The following ITGA9 variants were observed in gnomAD, a reference collection of about 807,000 sequenced individuals.
ITGA9 encodes the protein integrin alpha-9.
A neutral mutation model predicts 127.8 loss-of-function variants in ITGA9; 56 were observed. That is an observed-to-expected ratio of 0.44 (90% CI 0.35 to 0.55). ITGA9 has a LOEUF of 0.55. Ranked by LOEUF, ITGA9 falls within the 20% of genes least tolerant of loss-of-function variation. ITGA9 has a pLI of 0.00. For synonymous variants in ITGA9, 508 were observed against 514.5 expected (o/e 0.99, Z 0.17); for missense variants, 1,196 against 1,347.1 (o/e 0.89, Z 1.76).
rs1411094818 is a variant in ITGA9 at position 37,533,363 on chromosome 3, A to G, written c.1423A>G (p.Ile475Val). 6.2e-7 allele frequency: 1 copy of G among 1,614,076 alleles called. No individual in the cohort carries two copies. Among genetic ancestry groups the G allele is most frequent in the Non-Finnish European group, 8.5e-7 (1 of 1,180,040 alleles). ...VDVSIFLPGS[I>V]NITAPQCHDG... ...TGTCTCCATCTTCCTCCCGGGCTCC[A>G]TCAACATCACAGCGCCTCAGTGTCA... The change falls in exon 14 of 28, where the codon ATC (isoleucine) becomes GTC (valine). Residue 475 changes from isoleucine (I) to valine (V), a missense_variant. Transcript: ENST00000264741.
At chr3:37,473,850 C>A (rs12019224) in intron 3 of ITGA9, among the ~76,000 whole-genome samples, 2 of 151,892 alleles carry the variant, frequency 1.3e-5, no homozygotes, top group Non-Finnish European at 2.9e-5. Context: ...ATATTTCCAT[C>A]GTCCCAAAAG....
rs552919724 is a variant in ITGA9 at position 37,558,009 on chromosome 3, T to A, written c.1689+15424T>A. 6.6e-5 allele frequency among the ~76,000 whole-genome samples: 10 copies of A among 152,318 alleles called. No individual in the cohort carries two copies. The South Asian group carries it at 2.1e-3, about 32-fold the overall frequency. On this transcript the variant is annotated intron_variant, in intron 15 of 27. Coordinates refer to ENST00000264741, the MANE Select transcript of ITGA9 (RefSeq NM_002207.3). ...CTAGTTAGTCTGAGAAAGAGAAAACTCCATTCTGGATGGCCCATTTCTGGG... is the reference window on the plus strand; with the variant it reads ...CTAGTTAGTCTGAGAAAGAGAAAACACCATTCTGGATGGCCCATTTCTGGG...
chr3:37,542,215 G>A (rs1043843804), intron 14 of ITGA9, among the ~76,000 whole-genome samples: 1 of 152,134 alleles, frequency 6.6e-6, no homozygotes, highest in African/African-American at 2.4e-5. Flanking sequence ...CATTAGAAAG[G>A]CAGAGGACAT....
chr3:37,640,762 C>T (rs1700324640), intron 16 of ITGA9, among the ~76,000 whole-genome samples: 2 of 152,356 alleles, frequency 1.3e-5, no homozygotes, highest in East Asian at 1.9e-4. Context: ...ACAGGCTGTG[C>T]AGTGAGATCA....
intron 1 of ITGA9, among the ~76,000 whole-genome samples, chr3:37,461,827 G>C (rs1257856785): frequency 2.0e-5 from 3 of 152,314 alleles, no homozygotes; most frequent in African/African-American, 4.8e-5. Context: ...TTGCCTGCCT[G>C]TTTCTTCTCT....
intron 18 of ITGA9, among the ~76,000 whole-genome samples, chr3:37,696,992 G>A (rs1575197124): frequency 6.6e-6 from 1 of 152,148 alleles, no homozygotes; most frequent in South Asian, 2.1e-4. Flanking sequence ...AAACCAGGGC[G>A]AGATATCCAG....
chr3:37,512,124 CTTTTCTTTTCTTTTCTTTTCTTTTCT>C (rs1698930350), intron 8 of ITGA9, among the ~76,000 whole-genome samples: 4 of 15,328 alleles, frequency 2.6e-4, no homozygotes, highest in Admixed American at 9.6e-4. Flanking sequence ...TTCCTTCTTT[CTTTTCTTTTCTTTTCTTTTCTTTTCT>C]TTTCTTTTCT....
rs1698200633 is a variant in ITGA9, at chr3:37,452,354, G to GA, written c.-19dup. On this transcript the variant is annotated 5_prime_UTR_variant, in exon 1 of 28. Transcript: ENST00000264741. The surrounding 1 kb of genome is among the most constrained non-coding windows in gnomAD (Gnocchi z 7.3). ...GGCGCCCTGCTCGCCGGGCAGAGGG[G>GA]AAGGCGGCGGCCGGCTGGGGATGGG... The GA allele has an allele frequency of 5.2e-6, 6 of 1,151,708 alleles. No individual in the cohort carries two copies. The highest frequency in any genetic ancestry group is 6.4e-6 in the Non-Finnish European group (6 of 939,400). The allele number at this position is 1,151,708 out of a possible 1,614,324, so 71.3% of individuals were successfully genotyped here.
At chr3:37,781,977 T>C (rs1375105504) in intron 25 of ITGA9, among the ~76,000 whole-genome samples, 1 of 152,196 alleles carries the variant, frequency 6.6e-6, no homozygotes, top group African/African-American at 2.4e-5. Context: ...ACTGCAGTGC[T>C]TTCTTCTCCC....
chr3:37,552,718 A>G (rs1226482288), intron 15 of ITGA9, among the ~76,000 whole-genome samples: 2 of 152,206 alleles, frequency 1.3e-5, no homozygotes, highest in Non-Finnish European at 2.9e-5. Flanking sequence ...TTTCGCATAA[A>G]ACATTTTTAT....
At chr3:37,525,200 AAAGTT>A (rs1449878969) in intron 12 of ITGA9, among the ~76,000 whole-genome samples, 1 of 152,220 alleles carries the variant, frequency 6.6e-6, no homozygotes, top group African/African-American at 2.4e-5. Flanking sequence ...TTCCTAAATT[AAAGTT>A]ATTTAGGAAT....
chr3:37,511,649 C>T (rs974872537), intron 8 of ITGA9, among the ~76,000 whole-genome samples: 1 of 152,190 alleles, frequency 6.6e-6, no homozygotes, highest in Non-Finnish European at 1.5e-5. Context: ...ACTGGCAACT[C>T]GGTTTCTTTC....
chr3:37,526,228 C>G (rs761147744), intron 13 of ITGA9, among the ~76,000 whole-genome samples, 157 bp downstream of exon 13: 1 of 152,116 alleles, frequency 6.6e-6, no homozygotes, highest in Admixed American at 6.5e-5. Flanking sequence ...TAATTATTCT[C>G]TATCCCAGAG....
Position 37,461,965 on chromosome 3 carries a change from A to T in ITGA9, c.186-9042A>T, listed in dbSNP as rs1698320262. ...TTCCAGGATGGGATACTTTTTTAAA[A>T]AGTAAATGTAAATGTATTGCCATAT... On this transcript the variant is annotated intron_variant, in intron 1 of 27. Coordinates refer to ENST00000264741, the MANE Select transcript of ITGA9 (RefSeq NM_002207.3). Among the ~76,000 whole-genome samples the T allele has an allele frequency of 3.3e-5, 5 of 151,804 alleles. No individual in the cohort carries two copies. The South Asian group carries it at 1.0e-3, about 32-fold the overall frequency.
intron 18 of ITGA9, among the ~76,000 whole-genome samples, chr3:37,684,621 G>A (rs1019784227): frequency 1.3e-5 from 2 of 152,098 alleles, no homozygotes; most frequent in African/African-American, 4.8e-5. Context: ...GACTACAGGT[G>A]TGCACCTGGC....
intron 18 of ITGA9, among the ~76,000 whole-genome samples, chr3:37,708,696 C>A (rs1456043956): frequency 6.6e-6 from 1 of 151,618 alleles, no homozygotes; most frequent in African/African-American, 2.4e-5. Context: ...AATTATCCAG[C>A]CCCAATGCCA....
intron 4 of ITGA9, among the ~76,000 whole-genome samples, chr3:37,493,444 C>T (rs1254616352): frequency 6.6e-6 from 1 of 152,208 alleles, no homozygotes; most frequent in African/African-American, 2.4e-5. Context: ...GGAAGGTCTC[C>T]AGCAATGTCA....
In ITGA9 at chr3:37,701,166, G is replaced by A. The variant is rs74327141; in HGVS notation, c.2067+17151G>A. On this transcript the variant is annotated intron_variant, in intron 18 of 27. Transcript: ENST00000264741. Reference sequence around the variant, plus strand: ...CCAGAGCAGTCCTTTGTCCACATGGGTTTCTGCAGTAGCCCAAGTTTGCAG... The same window carrying A: ...CCAGAGCAGTCCTTTGTCCACATGGATTTCTGCAGTAGCCCAAGTTTGCAG... Among the ~76,000 whole-genome samples, 1,151 of 152,328 alleles carry A rather than the reference G, an allele frequency of 7.6e-3. 10 individuals carry two copies. Among genetic ancestry groups the A allele is most frequent in the Middle Eastern group, 0.027 (8 of 294 alleles).
chr3:37,520,204 T>C (rs1034870369), intron 11 of ITGA9, among the ~76,000 whole-genome samples: 11 of 152,118 alleles, frequency 7.2e-5, no homozygotes, highest in African/African-American at 2.7e-4. Flanking sequence ...GGGTGGAGGG[T>C]TGGTTGGTTG....
Sources: allele counts gnomAD v4.1 joint callset (sites outside exome capture counted in the v4.1 genomes callset), GRCh38; gene constraint gnomAD v4.1.1; non-coding constraint Gnocchi (gnomAD v3.1); transcripts MANE v1.5; gene names NCBI Gene and HGNC (gene_info 2026-07-23, HGNC 2026-07-21).